The following LGSN variants were observed in gnomAD, a reference collection of about 807,000 sequenced individuals.
LGSN encodes lengsin, lens protein with glutamine synthetase domain, also known as lengsin.
A neutral mutation model predicts 19.5 loss-of-function variants in LGSN; 21 were observed. The ratio of observed to expected loss-of-function variants is 1.07; its 90% CI spans 0.76 to 1.55. The LOEUF is 1.55. LGSN is among the 40% of genes most tolerant of loss of function. LGSN has a pLI of 0.00. For missense variants in LGSN, 673 were observed against 608.5 expected (o/e 1.11, Z -1.12); for synonymous variants, 257 against 215.6 (o/e 1.19, Z -1.68).
At chr6:63,369,851 A>G in the LGSN span, among the ~76,000 whole-genome samples, 2 of 152,052 alleles carry the variant, frequency 1.3e-5, no homozygotes, top group Non-Finnish European at 2.9e-5. Context: ...AAAATACAAA[A>G]AATTTGCTGG....
At chr6:63,307,185 CTTAA>C (rs567903635) in intron 1 of LGSN, among the ~76,000 whole-genome samples, 212 of 152,096 alleles carry the variant, frequency 1.4e-3, no homozygotes, top group African/African-American at 4.7e-3. Flanking sequence ...AATGCTTTGT[CTTAA>C]TTTATTTAGT....
At chr6:63,571,395 G>A in the LGSN span, 5 of 152,212 alleles carry the variant, frequency 3.3e-5, no homozygotes, top group Non-Finnish European at 7.3e-5. Flanking sequence ...TAAAGGTCCT[G>A]TTTGGTCCTT....
At chr6:63,294,861 T>C in intron 2 of LGSN, 52 bp downstream of exon 2, 3 of 1,565,738 alleles carry the variant, frequency 1.9e-6, no homozygotes, top group Non-Finnish European at 2.6e-6. Flanking sequence ...AAAGACCAAA[T>C]GGAGATTGCC....
chr6:63,333,108 C>T, the LGSN span, among the ~76,000 whole-genome samples: 2 of 151,908 alleles, frequency 1.3e-5, no homozygotes, highest in Admixed American at 6.6e-5. Context: ...AAAGCTTCCA[C>T]AGTGTGGAAG....
chr6:63,441,447 G>T, the LGSN span: 1 of 449,330 alleles, frequency 2.2e-6, no homozygotes, highest in Non-Finnish European at 4.4e-6. Flanking sequence ...GCCTGGCCAA[G>T]GTGGCAGGTG....
At chr6:63,468,566 T>C in the LGSN span, among the ~76,000 whole-genome samples, 5 of 151,940 alleles carry the variant, frequency 3.3e-5, no homozygotes, top group African/African-American at 9.7e-5. Flanking sequence ...TAGCTGGGAT[T>C]ACAGGTGCGT....
intron 2 of LGSN, among the ~76,000 whole-genome samples, chr6:63,293,264 T>C (rs751802646): frequency 4.6e-5 from 7 of 152,200 alleles, no homozygotes; most frequent in South Asian, 2.1e-4. Context: ...CCCAAAGTGC[T>C]GGGATTACAG....
chr6:63,327,557 C>T, the LGSN span, among the ~76,000 whole-genome samples: 1 of 152,150 alleles, frequency 6.6e-6, no homozygotes. Context: ...TGGAGAGTCG[C>T]TGCTGCCAAA....
At chr6:63,432,158 A>AAAGAAAGAAAGAAAGG in the LGSN span, among the ~76,000 whole-genome samples, 1 of 115,194 alleles carries the variant, frequency 8.7e-6, no homozygotes, top group East Asian at 2.6e-4. Flanking sequence ...AGAAAGAAAG[A>AAAGAAAGAAAGAAAGG]AAGAAAGAAA....
chr6:63,313,641 C>G (rs771877115), intron 1 of LGSN, among the ~76,000 whole-genome samples: 1 of 151,888 alleles, frequency 6.6e-6, no homozygotes, highest in Non-Finnish European at 1.5e-5. Context: ...TTGAGACCAG[C>G]CTGGCCAACA....
the LGSN span, among the ~76,000 whole-genome samples, chr6:63,546,137 G>A: frequency 6.6e-6 from 1 of 151,952 alleles, no homozygotes; most frequent in Admixed American, 6.6e-5. Flanking sequence ...TTTAAAATGT[G>A]GATAAAGAAA....
the LGSN span, among the ~76,000 whole-genome samples, chr6:63,367,967 G>T: frequency 1.3e-5 from 2 of 151,790 alleles, no homozygotes; most frequent in African/African-American, 4.9e-5. Context: ...GGGAGGGATA[G>T]CATTAGGAGA....
At chr6:63,527,250 A>G in the LGSN span, among the ~76,000 whole-genome samples, 1 of 152,208 alleles carries the variant, frequency 6.6e-6, no homozygotes, top group African/African-American at 2.4e-5. Context: ...AACAGAGCAC[A>G]TGTTCTCTTC....
chr6:63,318,591 A>T (rs764785155), intron 1 of LGSN, among the ~76,000 whole-genome samples: 77 of 152,208 alleles, frequency 5.1e-4, no homozygotes, highest in Non-Finnish European at 6.2e-4. Context: ...CAAAAGACAG[A>T]GAATGTCTCT....
At chr6:63,554,500 C>T in the LGSN span, among the ~76,000 whole-genome samples, 7 of 152,118 alleles carry the variant, frequency 4.6e-5, no homozygotes, top group Admixed American at 4.6e-4. Flanking sequence ...ATAAGGAACA[C>T]CTATTACATA....
chr6:63,304,920 G>A (rs1456002060), intron 1 of LGSN, among the ~76,000 whole-genome samples: 1 of 152,120 alleles, frequency 6.6e-6, no homozygotes, highest in East Asian at 1.9e-4. Flanking sequence ...ATGGTAATAG[G>A]AAGTAGCACC....
chr6:63,515,785 A>T, the LGSN span, among the ~76,000 whole-genome samples: 2 of 152,186 alleles, frequency 1.3e-5, no homozygotes, highest in Admixed American at 6.5e-5. Context: ...ACAACAAATT[A>T]GGCTTTGTGA....
At chr6:63,293,972 A>C in intron 2 of LGSN, 1 of 350,442 alleles carries the variant, frequency 2.9e-6, no homozygotes, top group Non-Finnish European at 5.6e-6. Flanking sequence ...GACATATTAA[A>C]TGAGGGGCAA....
chr6:63,538,852 G>A, the LGSN span, among the ~76,000 whole-genome samples: 1 of 152,160 alleles, frequency 6.6e-6, no homozygotes, highest in Non-Finnish European at 1.5e-5. Context: ...ATGATACTAG[G>A]TGTGGGAACC....
Sources: gnomAD v4.1 joint callset for allele counts (sites outside exome capture counted in the v4.1 genomes callset) on GRCh38, gnomAD v4.1.1 for gene constraint, MANE v1.5 for transcripts, NCBI Gene and HGNC (gene_info 2026-07-23, HGNC 2026-07-21) for gene names.